WIF1: variants seen among roughly 807,000 people sequenced by gnomAD.
The protein encoded by WIF1 is Wnt inhibitory factor 1.
WIF1 carries 35 observed loss-of-function variants against 53.5 expected under a neutral mutation model. The ratio of observed to expected loss-of-function variants is 0.65; its 90% CI spans 0.50 to 0.87. WIF1 has a LOEUF of 0.87. Among genes scored for constraint, WIF1 ranks in the 40% least tolerant of loss-of-function variants. The pLI is 0.00. For synonymous variants in WIF1, 171 were observed against 170.4 expected (o/e 1.00, Z -0.03); for missense variants, 467 against 476.8 (o/e 0.98, Z 0.19).
chr12:65,087,635 GA>G (rs1207415543), intron 2 of WIF1, among the ~76,000 whole-genome samples: 1 of 150,952 alleles, frequency 6.6e-6, no homozygotes, highest in African/African-American at 2.4e-5. Flanking sequence ...AAAAAAGGAG[GA>G]AAAAAAACAC....
chr12:65,081,846 G>C (rs1176643456), intron 2 of WIF1, among the ~76,000 whole-genome samples: 1 of 150,978 alleles, frequency 6.6e-6, no homozygotes, highest in East Asian at 1.9e-4. Flanking sequence ...TTCACACTGG[G>C]AAGTTTTAAG....
At chr12:65,099,802 A>T (rs534852327) in intron 2 of WIF1, among the ~76,000 whole-genome samples, 9 of 152,286 alleles carry the variant, frequency 5.9e-5, no homozygotes, top group African/African-American at 2.2e-4. Context: ...TATACAATGT[A>T]GCATACACAT....
intron 6 of WIF1, among the ~76,000 whole-genome samples, chr12:65,064,966 C>A (rs1882666656): frequency 6.6e-6 from 1 of 152,072 alleles, no homozygotes; most frequent in African/African-American, 2.4e-5. Context: ...GTTTAATTCT[C>A]CTCTAGAATG....
chr12:65,081,569 CTTT>C (rs1882951553), intron 2 of WIF1, among the ~76,000 whole-genome samples: 1 of 152,174 alleles, frequency 6.6e-6, no homozygotes, highest in Non-Finnish European at 1.5e-5. Flanking sequence ...CAATAACACA[CTTT>C]ACACAAAAGT....
intron 2 of WIF1, among the ~76,000 whole-genome samples, chr12:65,088,366 A>T (rs773829079): frequency 1.5e-4 from 23 of 152,136 alleles, no homozygotes; most frequent in Non-Finnish European, 2.5e-4. Flanking sequence ...ATAGTCTAAT[A>T]TCCAATCCTG....
intron 2 of WIF1, among the ~76,000 whole-genome samples, chr12:65,100,911 C>A (rs1392030640): frequency 1.3e-5 from 2 of 151,938 alleles, no homozygotes; most frequent in East Asian, 1.9e-4. Context: ...TAAAAAAAAA[C>A]CATGTTTACC....
At chr12:65,096,858 C>T (rs996717419) in intron 2 of WIF1, among the ~76,000 whole-genome samples, 2 of 151,662 alleles carry the variant, frequency 1.3e-5, no homozygotes, top group African/African-American at 4.8e-5. Context: ...CACACTGGGG[C>T]CTGTTAGGAG....
At position 65,068,814 on chromosome 12, in the gene WIF1, G is replaced by A. The variant is rs745664951; in HGVS notation, c.488C>T (p.Thr163Ile). The change falls in exon 4 of 10, where the codon ACC (threonine) becomes ATC (isoleucine). Residue 163 changes from threonine to isoleucine, a missense_variant. By Grantham distance (89) the Thr-to-Ile change is moderately conservative (BLOSUM62 -1). Coordinates refer to ENST00000286574, the MANE Select transcript of WIF1 (RefSeq NM_007191.5). Reference sequence around the variant, plus strand: ...AGCATTTTGAGGTGTTTGGAGAATGGTGTTGCCTTCAGAATTCATAACAAT... The same window carrying A: ...AGCATTTTGAGGTGTTTGGAGAATGATGTTGCCTTCAGAATTCATAACAAT... ...DVIVMNSEGN[T>I]ILQTPQNAIF... The A allele has an allele frequency of 2.5e-6, 4 of 1,613,710 alleles. No homozygotes were observed. The highest frequency in any genetic ancestry group is 3.4e-6 in the Non-Finnish European group (4 of 1,179,730).
At chr12:65,093,915 A>C (rs7309476) in intron 2 of WIF1, among the ~76,000 whole-genome samples, 67,879 of 152,056 alleles carry the variant, frequency 0.45, 18,099 homozygotes, top group East Asian at 0.69. Flanking sequence ...CCATTACCAA[A>C]GAATAACCTT....
intron 2 of WIF1, 127 bp from the exon 3 acceptor site, chr12:65,077,981 C>G (rs1882890442): frequency 1.4e-6 from 1 of 693,388 alleles, no homozygotes; most frequent in Non-Finnish European, 2.5e-6. Context: ...CACACAGCAT[C>G]CAAGATACTG....
At chr12:65,102,938 C>T (rs1202563037) in intron 2 of WIF1, among the ~76,000 whole-genome samples, 1 of 152,164 alleles carries the variant, frequency 6.6e-6, no homozygotes, top group East Asian at 1.9e-4. Context: ...TGGCAAAAAA[C>T]ATCTAAAATA....
At chr12:65,098,456 C>T (rs546028319) in intron 2 of WIF1, among the ~76,000 whole-genome samples, 5 of 152,150 alleles carry the variant, frequency 3.3e-5, no homozygotes, top group Non-Finnish European at 5.9e-5. Context: ...TTTCCAAAGC[C>T]CCCCAGTCAG....
chr12:65,095,475 T>C (rs1245263841), intron 2 of WIF1, among the ~76,000 whole-genome samples: 5 of 152,168 alleles, frequency 3.3e-5, no homozygotes, highest in Admixed American at 3.3e-4. Context: ...CCATATCTCC[T>C]CTATTTGATT....
At chr12:65,112,050 C>T (rs768193914) in intron 2 of WIF1, among the ~76,000 whole-genome samples, 23 of 152,146 alleles carry the variant, frequency 1.5e-4, no homozygotes, top group Non-Finnish European at 2.9e-4. Context: ...CAGTAATTGT[C>T]CTGTGACTTT....
intron 2 of WIF1, among the ~76,000 whole-genome samples, chr12:65,099,066 T>C (rs1883243803): frequency 6.6e-6 from 1 of 152,178 alleles, no homozygotes; most frequent in Admixed American, 6.6e-5. Context: ...CATACCTAAG[T>C]AGAGAATTTA....
At position 65,051,344 on chromosome 12, in the gene WIF1, G is replaced by A. The variant is rs1366719386; in HGVS notation, c.*5C>T. The A allele has an allele frequency of 1.9e-6, 3 of 1,610,776 alleles. No homozygotes were observed. The highest frequency in any genetic ancestry group is 1.3e-5 in the African/African-American group (1 of 74,764). ...TGTAACTTAAAACGTTTCAGATGTC[G>A]GAGTTCACCAGATGTAATTGGATTC... On this transcript the variant is annotated 3_prime_UTR_variant, in exon 10 of 10. Coordinates refer to ENST00000286574, the MANE Select transcript of WIF1 (RefSeq NM_007191.5).
chr12:65,121,045 T>C lies in WIF1; in HGVS notation c.147A>G (p.Ile49Met). The change falls in exon 1 of 10, where the codon ATA (isoleucine) becomes ATG (methionine). Residue 49 changes from isoleucine (I) to methionine (M), a missense_variant and splice_region_variant. Ile to Met is a conservative substitution (Grantham distance 10). Transcript: ENST00000286574. ...AGGCGCTGGAGGCGGGGGCCTTACC[T>C]ATGAGTACTCTTGCCTGGTGAGCAT... The part of the protein sequence containing the change: ...WIDAHQARVL[I>M]GFEEDILIVS... 1 of 1,498,568 alleles carries C rather than the reference T, an allele frequency of 6.7e-7. No individual in the cohort carries two copies. The highest frequency in any genetic ancestry group is 9.0e-7 in the Non-Finnish European group (1 of 1,116,626). The allele number at this position is 1,498,568 out of a possible 1,614,324, so 92.8% of individuals were successfully genotyped here.
Position 65,120,412 on chromosome 12 carries a change from C to T in WIF1, c.288+5G>A. On this transcript the variant is annotated splice_donor_5th_base_variant and intron_variant, in intron 2 of 9. Coordinates refer to ENST00000286574, the MANE Select transcript of WIF1 (RefSeq NM_007191.5). ...ATATTAAAGGGTAATTTTCTCAGAA[C>T]TTACCTGCCCTGCAGCTTGCCAGGT... is the stretch of plus-strand genomic sequence containing the variant. 2.5e-6 allele frequency: 4 copies of T among 1,612,446 alleles called. No individual in the cohort carries two copies. The highest frequency in any genetic ancestry group is 3.4e-6 in the Non-Finnish European group (4 of 1,179,468).
chr12:65,060,426 C>G (rs192876710), intron 7 of WIF1, among the ~76,000 whole-genome samples: 3 of 152,226 alleles, frequency 2.0e-5, no homozygotes, highest in Admixed American at 2.0e-4. Flanking sequence ...AGAATGAACC[C>G]AGGTAAAAGA....
Sources: gnomAD v4.1 joint callset for allele counts (sites outside exome capture counted in the v4.1 genomes callset) on GRCh38, gnomAD v4.1.1 for gene constraint, MANE v1.5 for transcripts, NCBI Gene and HGNC (gene_info 2026-07-23, HGNC 2026-07-21) for gene names.